The following NRG1 variants were observed in gnomAD, a reference collection of about 807,000 sequenced individuals.
NRG1 encodes the protein neuregulin 1.
A neutral mutation model predicts 63.8 loss-of-function variants in NRG1; 18 were observed. The observed-to-expected ratio is 0.28, with a 90% CI of 0.19 to 0.42. NRG1 has a LOEUF of 0.42. Ranked by LOEUF, NRG1 falls within the 10% of genes least tolerant of loss-of-function variation. The pLI is 1.00. For synonymous variants in NRG1, 302 were observed against 301.3 expected (o/e 1.00, Z -0.02); for missense variants, 762 against 814.7 (o/e 0.94, Z 0.79).
intron 5 of NRG1, among the ~76,000 whole-genome samples, chr8:32,621,813 TCCA>T (rs1848390233): frequency 6.6e-6 from 1 of 152,192 alleles, no homozygotes. Context: ...ATACATGTTG[TCCA>T]AAGTCACACA....
chr8:32,596,000 G>T, exon 2 of NRG1: 1 of 1,612,712 alleles, frequency 6.2e-7, no homozygotes, highest in Non-Finnish European at 8.5e-7. Context: ...TACAAAAAAA[G>T]CCAGGGTAAG....
At chr8:32,256,290 CT>C (rs772754276) in intron 1 of NRG1, among the ~76,000 whole-genome samples, 2 of 152,142 alleles carry the variant, frequency 1.3e-5, no homozygotes, top group Non-Finnish European at 2.9e-5. Flanking sequence ...AATTTTCAGG[CT>C]TTTTGCACTG....
intron 5 of NRG1, chr8:32,648,363 C>T (rs1404156946): frequency 6.2e-7 from 1 of 1,614,050 alleles, no homozygotes; most frequent in Admixed American, 1.7e-5. Flanking sequence ...AGAAACTAAT[C>T]TCCAAACTGC....
chr8:32,205,691 G>A (rs1350050927), intron 1 of NRG1, among the ~76,000 whole-genome samples: 6 of 152,046 alleles, frequency 3.9e-5, no homozygotes, highest in African/African-American at 1.2e-4. Flanking sequence ...GAGTAGCACC[G>A]ACTTGCTACT....
At chr8:31,946,175 G>A (rs1346208291) in intron 1 of NRG1, among the ~76,000 whole-genome samples, 1 of 152,174 alleles carries the variant, frequency 6.6e-6, no homozygotes, top group East Asian at 1.9e-4. Context: ...TTGTCTGACA[G>A]CATTTTTCCT....
At chr8:32,634,156 T>A (rs1428811547) in intron 5 of NRG1, among the ~76,000 whole-genome samples, 1 of 142,106 alleles carries the variant, frequency 7.0e-6, no homozygotes, top group African/African-American at 2.7e-5. Context: ...CAACCTAGAA[T>A]GTCTGTGGAA....
At chr8:32,563,484 C>G (rs1380492187) in intron 1 of NRG1, among the ~76,000 whole-genome samples, 2 of 152,148 alleles carry the variant, frequency 1.3e-5, no homozygotes, top group African/African-American at 4.8e-5. Flanking sequence ...ATTACTAGTG[C>G]AGAAGCCTTT....
intron 1 of NRG1, among the ~76,000 whole-genome samples, chr8:32,111,068 G>T (rs1444190990): frequency 6.6e-6 from 1 of 152,072 alleles, no homozygotes; most frequent in East Asian, 1.9e-4. Flanking sequence ...AATAAGCTTA[G>T]GATTCGTATT....
At chr8:31,830,890 C>T (rs923341149) in intron 1 of NRG1, among the ~76,000 whole-genome samples, 1 of 152,004 alleles carries the variant, frequency 6.6e-6, no homozygotes, top group Non-Finnish European at 1.5e-5. Context: ...CAGTCTCAGC[C>T]CCTCCCCCAA....
At chr8:31,805,800 C>T (rs112088769) in intron 1 of NRG1, among the ~76,000 whole-genome samples, 21,328 of 141,546 alleles carry the variant, frequency 0.15, 1,721 homozygotes, top group Admixed American at 0.22. Context: ...GGCACTCCAG[C>T]CTGGGCAACC....
At chr8:32,367,262 A>G (rs985918977) in intron 1 of NRG1, among the ~76,000 whole-genome samples, 5 of 152,212 alleles carry the variant, frequency 3.3e-5, no homozygotes, top group Admixed American at 2.6e-4. Flanking sequence ...CCAGCAATGT[A>G]TAAGAGTTCC....
chr8:32,718,569 G>A (rs1819833511), intron 5 of NRG1, among the ~76,000 whole-genome samples: 1 of 152,000 alleles, frequency 6.6e-6, no homozygotes, highest in African/African-American at 2.4e-5. Flanking sequence ...ATTCCAACCA[G>A]ATTATCAATG....
chr8:32,665,874 T>G (rs370895200), intron 5 of NRG1, among the ~76,000 whole-genome samples: 4 of 152,326 alleles, frequency 2.6e-5, no homozygotes, highest in African/African-American at 9.6e-5. Flanking sequence ...TGAAAATACT[T>G]CTAGTGATTA....
At chr8:31,890,364 G>A (rs928830817) in intron 1 of NRG1, among the ~76,000 whole-genome samples, 2 of 151,994 alleles carry the variant, frequency 1.3e-5, no homozygotes, top group African/African-American at 2.4e-5. Flanking sequence ...AATAACCCAC[G>A]GAATTTTAAA....
At chr8:31,727,263 T>G (rs752402274) in intron 1 of NRG1, among the ~76,000 whole-genome samples, 12 of 152,154 alleles carry the variant, frequency 7.9e-5, no homozygotes, top group Non-Finnish European at 1.6e-4. Flanking sequence ...TTCCAGGTTT[T>G]AAAAAAGCTT....
intron 1 of NRG1, among the ~76,000 whole-genome samples, chr8:32,411,117 G>T (rs1277209804): frequency 1.3e-5 from 2 of 152,012 alleles, no homozygotes; most frequent in Admixed American, 6.6e-5. Flanking sequence ...CTCTTGATCT[G>T]CCCACCTCAG....
chr8:32,462,893 C>T (rs1822501595), intron 1 of NRG1, among the ~76,000 whole-genome samples: 1 of 152,156 alleles, frequency 6.6e-6, no homozygotes, highest in South Asian at 2.1e-4. Flanking sequence ...AGTGAGCCAC[C>T]ATGCCTGGCC....
intron 1 of NRG1, among the ~76,000 whole-genome samples, chr8:32,395,719 A>G (rs185621009): frequency 1.3e-5 from 2 of 152,050 alleles, no homozygotes; most frequent in Non-Finnish European, 2.9e-5. Flanking sequence ...TATCTTTTGC[A>G]GGAAAGATGT....
chr8:31,697,363 C>T (rs1810178606), intron 1 of NRG1, among the ~76,000 whole-genome samples: 1 of 152,098 alleles, frequency 6.6e-6, no homozygotes, highest in South Asian at 2.1e-4. Context: ...GTGTGGGCTA[C>T]CATTTCAATT....
Sources: gnomAD v4.1 joint callset for allele counts (sites outside exome capture counted in the v4.1 genomes callset) on GRCh38, gnomAD v4.1.1 for gene constraint, MANE v1.5 for transcripts, NCBI Gene and HGNC (gene_info 2026-07-23, HGNC 2026-07-21) for gene names.